The following EPB41L4A variants were observed in gnomAD, a reference collection of about 807,000 sequenced individuals.
EPB41L4A encodes the protein erythrocyte membrane protein band 4.1 like 4A.
Under a neutral mutation model 108.6 loss-of-function variants are expected in EPB41L4A, and 100 were observed. That is an observed-to-expected ratio of 0.92 (90% CI 0.78 to 1.09). The LOEUF is 1.09. EPB41L4A is among the 50% of genes least tolerant of loss of function. The pLI is 0.00. For synonymous variants in EPB41L4A, 319 were observed against 289.0 expected, an observed-to-expected ratio of 1.10 and a Z score of -1.05; for missense variants, 1,030 against 842.7, an observed-to-expected ratio of 1.22 and a Z score of -2.75.
chr5:112,154,219 A>C (rs946680854), intron 12 of EPB41L4A, among the ~76,000 whole-genome samples: 1 of 152,220 alleles, frequency 6.6e-6, no homozygotes, highest in Non-Finnish European at 1.5e-5. Flanking sequence ...AGCATTCACA[A>C]CACTATCCTC....
intron 1 of EPB41L4A, among the ~76,000 whole-genome samples, chr5:112,382,521 G>GA (rs1385919273): frequency 6.6e-6 from 1 of 152,166 alleles, no homozygotes; most frequent in African/African-American, 2.4e-5. Context: ...TGACCCAGTA[G>GA]AAAAATTCAA....
In EPB41L4A at chr5:112,210,436, T is replaced by C. The variant is rs114336600; in HGVS notation, c.1088-454A>G. 4.8e-3 allele frequency among the ~76,000 whole-genome samples: 732 copies of C among 152,226 alleles called. 9 individuals carry two copies. Among genetic ancestry groups the C allele is most frequent in the African/African-American group, 0.017 (713 of 41,530 alleles). On this transcript the variant is annotated intron_variant, in intron 12 of 22. Transcript: ENST00000261486. ...TCAAACCTGAAAATATCCCAACTCATAATGCAGCTGTCAAAAAAAGAGTAA... is the reference window on the plus strand; with the variant it reads ...TCAAACCTGAAAATATCCCAACTCACAATGCAGCTGTCAAAAAAAGAGTAA...
chr5:112,288,714 G>A (rs1753446117), intron 2 of EPB41L4A, among the ~76,000 whole-genome samples: 1 of 152,114 alleles, frequency 6.6e-6, no homozygotes, highest in Admixed American at 6.5e-5. Context: ...GGGGCGGGTA[G>A]GCAGGAAACA....
Position 112,419,116 on chromosome 5 carries a change from T to G in EPB41L4A, c.-77A>C. 1 of 1,091,970 alleles carries G rather than the reference T, an allele frequency of 9.2e-7. No homozygotes were observed. The highest frequency in any genetic ancestry group is 1.4e-6 in the Non-Finnish European group (1 of 715,532). The allele number at this position is 1,091,970 out of a possible 1,614,324, so 67.6% of individuals were successfully genotyped here. ...AGCCGCCCCCTCCACTCAAGCGCGA[T>G]GCATTAATTTATTGTCCGCGCCGTG... On this transcript the variant is annotated 5_prime_UTR_variant, in exon 1 of 23. Coordinates refer to ENST00000261486, the MANE Select transcript of EPB41L4A (RefSeq NM_022140.5).
At chr5:112,356,771 A>T (rs1758387498) in intron 1 of EPB41L4A, among the ~76,000 whole-genome samples, 1 of 152,202 alleles carries the variant, frequency 6.6e-6, no homozygotes, top group Non-Finnish European at 1.5e-5. Context: ...TCTCAGTAAC[A>T]CACATGCAAG....
At chr5:112,354,946 G>A (rs1758276951) in intron 1 of EPB41L4A, among the ~76,000 whole-genome samples, 1 of 152,122 alleles carries the variant, frequency 6.6e-6, no homozygotes, top group African/African-American at 2.4e-5. Flanking sequence ...ACTCTGGAAA[G>A]AAGTATTTTA....
At chr5:112,419,357 G>A, upstream of EPB41L4A, 2 of 326,608 alleles carry the variant, frequency 6.1e-6, no homozygotes, top group Non-Finnish European at 5.7e-6. Flanking sequence ...GGCCCCTCCC[G>A]CAGTCCTGGG....
chr5:112,325,459 A>G (rs1344122385), intron 1 of EPB41L4A, among the ~76,000 whole-genome samples: 5 of 147,960 alleles, frequency 3.4e-5, no homozygotes, highest in African/African-American at 5.0e-5. Context: ...AAAAAAAAAA[A>G]GGGAGAGTCA....
intron 12 of EPB41L4A, among the ~76,000 whole-genome samples, chr5:112,224,700 T>G (rs1279945877): frequency 2.0e-5 from 3 of 152,156 alleles, no homozygotes; most frequent in Admixed American, 2.0e-4. Flanking sequence ...TTAAATGGCT[T>G]AAATAATCAG....
chr5:112,394,134 T>C (rs1489856618), intron 1 of EPB41L4A, among the ~76,000 whole-genome samples: 1 of 152,150 alleles, frequency 6.6e-6, no homozygotes, highest in Non-Finnish European at 1.5e-5. Context: ...GCCAATATCA[T>C]ACTGAATGGG....
intron 2 of EPB41L4A, among the ~76,000 whole-genome samples, chr5:112,302,202 T>C (rs1220444923): frequency 1.3e-5 from 2 of 152,116 alleles, no homozygotes; most frequent in Non-Finnish European, 2.9e-5. Flanking sequence ...CACGAGTACA[T>C]GGTTTTTTAA....
intron 18 of EPB41L4A, chr5:112,175,205 A>G (rs990683562): frequency 6.6e-6 from 1 of 152,250 alleles, no homozygotes; most frequent in Admixed American, 6.5e-5. Flanking sequence ...CTTCTCTTGC[A>G]CCCAGGTTTG....
At chr5:112,161,042 G>C (rs955366972), downstream of EPB41L4A, 7 of 158,722 alleles carry the variant, frequency 4.4e-5, no homozygotes, top group African/African-American at 1.4e-4. Context: ...CCGTGAACAA[G>C]GGCAGCGGCC....
intron 15 of EPB41L4A, 40 bp from the exon 16 acceptor site, chr5:112,195,748 T>C: frequency 6.4e-7 from 1 of 1,573,988 alleles, no homozygotes; most frequent in Non-Finnish European, 8.7e-7. Context: ...AACAGGAGAT[T>C]ATCAATTGGC....
intron 1 of EPB41L4A, among the ~76,000 whole-genome samples, chr5:112,345,692 T>G (rs2150713339): frequency 6.6e-6 from 1 of 151,964 alleles, no homozygotes; most frequent in East Asian, 1.9e-4. Context: ...TGTGTGTACG[T>G]GTGTGTGTTT....
intron 1 of EPB41L4A, among the ~76,000 whole-genome samples, chr5:112,390,455 G>C (rs1169906344): frequency 6.6e-6 from 1 of 152,184 alleles, no homozygotes; most frequent in Non-Finnish European, 1.5e-5. Context: ...CAGCACAGCA[G>C]TCCGAGATCG....
At chr5:112,344,655 C>A (rs1757523366) in intron 1 of EPB41L4A, among the ~76,000 whole-genome samples, 1 of 152,226 alleles carries the variant, frequency 6.6e-6, no homozygotes. Context: ...GCCTGAAGGG[C>A]AGAATTGAGG....
intron 1 of EPB41L4A, chr5:112,392,771 A>C (rs1761039645): frequency 6.6e-6 from 1 of 152,210 alleles, no homozygotes; most frequent in Non-Finnish European, 1.5e-5. Context: ...CTCCACCCCA[A>C]ATCAACAGAA....
At chr5:112,345,782 C>T (rs62365199) in intron 1 of EPB41L4A, among the ~76,000 whole-genome samples, 34 of 3,118 alleles carry the variant, frequency 0.011, no homozygotes, top group African/African-American at 0.019. Flanking sequence ...TATATATATA[C>T]ACACACACAC....
Sources: gnomAD v4.1 joint callset for allele counts (sites outside exome capture counted in the v4.1 genomes callset) on GRCh38, gnomAD v4.1.1 for gene constraint, MANE v1.5 for transcripts, NCBI Gene and HGNC (gene_info 2026-07-23, HGNC 2026-07-21) for gene names.